Variants in PPM1B observed in about 807,000 individuals in gnomAD.
PPM1B encodes the protein protein phosphatase 1B.
Under a neutral mutation model 43.0 loss-of-function variants are expected in PPM1B, and 22 were observed. The ratio of observed to expected loss-of-function variants is 0.51; its 90% CI spans 0.37 to 0.73. PPM1B has a LOEUF of 0.73. PPM1B is among the 30% of genes least tolerant of loss of function. The probability of loss-of-function intolerance (pLI) is 0.00; values close to 1 mark genes in which losing one functional copy is unlikely to be tolerated. For missense variants in PPM1B, 632 were observed against 584.2 expected, an observed-to-expected ratio of 1.08 and a Z score of -0.84; for synonymous variants, 217 against 197.9, an observed-to-expected ratio of 1.10 and a Z score of -0.81.
In PPM1B at chr2:44,209,284, A is replaced by G. The variant is rs914178936; in HGVS notation, c.921A>G (p.Lys307=). 6.2e-6 allele frequency: 10 copies of G among 1,614,058 alleles called. No individual in the cohort carries two copies. Among genetic ancestry groups the G allele is most frequent in the Non-Finnish European group, 8.5e-6 (10 of 1,180,016 alleles). Residue 307 remains lysine (K), a synonymous_variant, in exon 3 of 6, where the codon AAA becomes AAG. Coordinates refer to ENST00000282412, the MANE Select transcript of PPM1B (RefSeq NM_002706.6). ...NAPKVSDEAV[K]KDSELDKHLE... ...CCAAGGTCTCAGATGAAGCGGTGAA[A>G]AAAGATTCAGAGTTGGATAAGCACT...
intron 1 of PPM1B, among the ~76,000 whole-genome samples, chr2:44,190,160 T>A (rs1046389502): frequency 1.3e-5 from 2 of 148,906 alleles, no homozygotes; most frequent in African/African-American, 5.0e-5. Context: ...ATTTGATTTT[T>A]TTTTTTTTTT....
chr2:44,201,563 G>C lies in PPM1B; in HGVS notation c.364G>C (p.Asp122His). Residue 122 changes from aspartate to histidine, a missense_variant, in exon 2 of 6, where the codon GAC becomes CAC. Transcript: ENST00000282412. The surrounding 1 kb of genome is among the most constrained non-coding windows in gnomAD (Gnocchi z 5.4). ...TGATGAATACATGCGTAACTTTTCAGACCTCAGAAACGGGATGGACAGGAG... is the reference window on the plus strand; with the variant it reads ...TGATGAATACATGCGTAACTTTTCACACCTCAGAAACGGGATGGACAGGAG... The part of the protein sequence containing the change: ...KIDEYMRNFS[D>H]LRNGMDRSGS... 1 of 1,614,184 alleles carries C rather than the reference G, an allele frequency of 6.2e-7. No homozygotes were observed. Among genetic ancestry groups the C allele is most frequent in the Non-Finnish European group, 8.5e-7 (1 of 1,180,036 alleles).
intron 1 of PPM1B, among the ~76,000 whole-genome samples, chr2:44,186,041 T>C (rs1668102986): frequency 6.6e-6 from 1 of 152,176 alleles, no homozygotes; most frequent in South Asian, 2.1e-4. Flanking sequence ...GTTTTTCTTT[T>C]GCTTCTCATT....
chr2:44,214,671 A>G (rs888550751), intron 3 of PPM1B, among the ~76,000 whole-genome samples: 10 of 152,114 alleles, frequency 6.6e-5, no homozygotes, highest in African/African-American at 2.4e-4. Flanking sequence ...ACTTGATAGC[A>G]TGGCAGGCCA....
At chr2:44,184,132 G>A (rs1428445852) in intron 1 of PPM1B, among the ~76,000 whole-genome samples, 1 of 152,202 alleles carries the variant, frequency 6.6e-6, no homozygotes, top group African/African-American at 2.4e-5. Flanking sequence ...GATTATAATA[G>A]TACCTTCCTC....
At chr2:44,229,061 A>G (rs777648208) in intron 5 of PPM1B, among the ~76,000 whole-genome samples, 1 of 152,112 alleles carries the variant, frequency 6.6e-6, no homozygotes, top group Non-Finnish European at 1.5e-5. Flanking sequence ...ACATGCCTGT[A>G]ATCCCAGCTA....
chr2:44,203,204 A>C (rs1669020172), intron 2 of PPM1B, among the ~76,000 whole-genome samples: 1 of 152,208 alleles, frequency 6.6e-6, no homozygotes, highest in African/African-American at 2.4e-5. Flanking sequence ...CGTTCTTGTC[A>C]GTGGACAGCC....
chr2:44,212,654 T>A (rs1419708089), intron 3 of PPM1B, among the ~76,000 whole-genome samples: 1 of 152,212 alleles, frequency 6.6e-6, no homozygotes, highest in East Asian at 1.9e-4. Context: ...CATTCTTGCC[T>A]TCTTTTAGAT....
At chr2:44,243,780 C>T (rs1434781095) in intron 5 of PPM1B, among the ~76,000 whole-genome samples, 1 of 151,886 alleles carries the variant, frequency 6.6e-6, no homozygotes, top group Non-Finnish European at 1.5e-5. Flanking sequence ...GGGAAAATGC[C>T]CCTTATTATT....
At chr2:44,221,353 G>A (rs1017144806) in intron 5 of PPM1B, among the ~76,000 whole-genome samples, 1 of 152,158 alleles carries the variant, frequency 6.6e-6, no homozygotes, top group African/African-American at 2.4e-5. Flanking sequence ...GAAATGTGCT[G>A]AAAAATACCG....
chr2:44,182,674 T>G (rs906468137), intron 1 of PPM1B, among the ~76,000 whole-genome samples: 5 of 152,172 alleles, frequency 3.3e-5, no homozygotes, highest in Admixed American at 3.3e-4. Context: ...AAATAATAGG[T>G]TACAGGTTTC....
intron 1 of PPM1B, among the ~76,000 whole-genome samples, chr2:44,192,540 T>G (rs906662990): frequency 5.3e-5 from 8 of 152,220 alleles, no homozygotes; most frequent in African/African-American, 1.9e-4. Context: ...TTAAAATGTT[T>G]TCTTTAACTT....
intron 1 of PPM1B, among the ~76,000 whole-genome samples, chr2:44,183,082 C>G (rs982979106): frequency 6.6e-6 from 1 of 152,180 alleles, no homozygotes; most frequent in African/African-American, 2.4e-5. Context: ...TGGAGTTTCT[C>G]TCATCTCAGG....
chr2:44,187,082 C>T (rs1437136326), intron 1 of PPM1B, among the ~76,000 whole-genome samples: 1 of 152,192 alleles, frequency 6.6e-6, no homozygotes, highest in Non-Finnish European at 1.5e-5. Flanking sequence ...ACAACAGCTT[C>T]CCCTTTCCCC....
chr2:44,242,960 A>T (rs1175804485), intron 5 of PPM1B, among the ~76,000 whole-genome samples: 1 of 152,168 alleles, frequency 6.6e-6, no homozygotes, highest in Non-Finnish European at 1.5e-5. Context: ...TTTTTAAGGA[A>T]AGATATTCAC....
intron 5 of PPM1B, among the ~76,000 whole-genome samples, chr2:44,219,842 C>T (rs1041759154): frequency 5.3e-5 from 8 of 151,634 alleles, no homozygotes; most frequent in Admixed American, 4.6e-4. Context: ...ACTCGGGAGG[C>T]TGAGGCAGGA....
At chr2:44,230,053 A>C (rs1236356149) in intron 5 of PPM1B, 1 of 1,566,514 alleles carries the variant, frequency 6.4e-7, no homozygotes, top group African/African-American at 1.4e-5. Context: ...TACTGCTTTA[A>C]ACATTGATTT....
chr2:44,245,588 A>C (rs961786065), downstream of PPM1B, among the ~76,000 whole-genome samples: 4 of 152,200 alleles, frequency 2.6e-5, no homozygotes, highest in Admixed American at 2.6e-4. Context: ...CAATGACTAG[A>C]GAGAATAAAA....
intron 3 of PPM1B, chr2:44,213,639 C>G (rs1329471381): frequency 2.6e-5 from 4 of 151,966 alleles, no homozygotes; most frequent in Non-Finnish European, 4.4e-5. Flanking sequence ...AAACAATGTG[C>G]TTAAAGTTTT....
Sources: allele counts gnomAD v4.1 joint callset (sites outside exome capture counted in the v4.1 genomes callset), GRCh38; gene constraint gnomAD v4.1.1; non-coding constraint Gnocchi (gnomAD v3.1); transcripts MANE v1.5; gene names NCBI Gene and HGNC (gene_info 2026-07-23, HGNC 2026-07-21).